Variants in DST observed in about 807,000 individuals in gnomAD.
The protein encoded by DST is bullous pemphigoid antigen.
Under a neutral mutation model 875.2 loss-of-function variants are expected in DST, and 253 were observed. That is an observed-to-expected ratio of 0.29 (90% CI 0.26 to 0.32). The LOEUF is 0.32. Among genes scored for constraint, DST ranks in the 10% least tolerant of loss-of-function variants. DST has a pLI of 1.00. For synonymous variants in DST, 3,124 were observed against 3,197.1 expected, an observed-to-expected ratio of 0.98 and a Z score of 0.77; for missense variants, 8,287 against 9,111.6, an observed-to-expected ratio of 0.91 and a Z score of 3.68.
intron 5 of DST, among the ~76,000 whole-genome samples, chr6:56,707,553 G>T (rs991637768): frequency 1.6e-4 from 25 of 152,158 alleles, no homozygotes; most frequent in African/African-American, 5.8e-4. Flanking sequence ...GGGACTTCCA[G>T]GATTGTAATA....
At chr6:56,842,829 CCT>C (rs1160032328) in intron 4 of DST, among the ~76,000 whole-genome samples, 1 of 152,166 alleles carries the variant, frequency 6.6e-6, no homozygotes, top group Non-Finnish European at 1.5e-5. Flanking sequence ...CCCCTTCCCC[CCT>C]CTCTACCGCT....
intron 50 of DST, among the ~76,000 whole-genome samples, chr6:56,575,776 G>A (rs1392964410): frequency 6.6e-6 from 1 of 152,114 alleles, no homozygotes; most frequent in African/African-American, 2.4e-5. Flanking sequence ...CTTTTGTTCT[G>A]ATATTTGGTC....
chr6:56,895,183 CGG>C (rs1260856536), intron 3 of DST, among the ~76,000 whole-genome samples: 1 of 71,014 alleles, frequency 1.4e-5, no homozygotes, highest in Non-Finnish European at 2.6e-5. Context: ...CCCTCCCGGA[CGG>C]GGTGGCTGCC....
At chr6:56,805,541 A>G (rs976726713) in intron 4 of DST, among the ~76,000 whole-genome samples, 18 of 152,230 alleles carry the variant, frequency 1.2e-4, no homozygotes, top group Non-Finnish European at 2.6e-4. Flanking sequence ...TTAAAGAGCA[A>G]AACAACTGGT....
At chr6:56,470,978 C>A in intron 95 of DST, 128 bp downstream of exon 95, 1 of 984,238 alleles carries the variant, frequency 1.0e-6, no homozygotes, top group Non-Finnish European at 1.5e-6. Context: ...TTTTAAGGGT[C>A]GTGACTTCCT....
At chr6:56,546,972 A>T (rs2097240353) in intron 61 of DST, among the ~76,000 whole-genome samples, 1 of 152,336 alleles carries the variant, frequency 6.6e-6, no homozygotes, top group South Asian at 2.1e-4. Flanking sequence ...AAAATCCTAC[A>T]TTATAAAATC....
chr6:56,587,416 A>G (rs1365040184), intron 49 of DST, among the ~76,000 whole-genome samples: 2 of 152,242 alleles, frequency 1.3e-5, no homozygotes, highest in African/African-American at 4.8e-5. Flanking sequence ...CTATGTGAAA[A>G]GACCAAATCT....
chr6:56,699,773 A>G (rs1490616956), intron 8 of DST, 28 bp from the exon 9 acceptor site: 1 of 1,100,508 alleles, frequency 9.1e-7, no homozygotes, highest in South Asian at 1.6e-5. Flanking sequence ...AAGAGATAAA[A>G]CCAACTGTTT....
At chr6:56,624,954 T>TTA (rs2098720687) in intron 35 of DST, among the ~76,000 whole-genome samples, 2 of 152,094 alleles carry the variant, frequency 1.3e-5, no homozygotes, top group Non-Finnish European at 2.9e-5. Flanking sequence ...CTCTTTGGGA[T>TTA]GACGAAAAGG....
At chr6:56,887,019 G>A (rs918780440) in intron 3 of DST, among the ~76,000 whole-genome samples, 15 of 152,016 alleles carry the variant, frequency 9.9e-5, no homozygotes, top group Non-Finnish European at 1.6e-4. Flanking sequence ...AATGATGTTT[G>A]GAAAAATTAA....
intron 36 of DST, chr6:56,620,469 C>A (rs751738410): frequency 6.2e-7 from 1 of 1,614,126 alleles, no homozygotes; most frequent in Non-Finnish European, 8.5e-7. Flanking sequence ...TCACTTTCAG[C>A]CCTTATCTTC....
At chr6:56,623,869 T>C (rs1029319442) in intron 36 of DST, among the ~76,000 whole-genome samples, 1 of 152,090 alleles carries the variant, frequency 6.6e-6, no homozygotes, top group Non-Finnish European at 1.5e-5. Flanking sequence ...TTTTTAAATA[T>C]ATGATTTATA....
At chr6:56,531,825 C>A (rs1039456144) in intron 64 of DST, among the ~76,000 whole-genome samples, 8 of 152,074 alleles carry the variant, frequency 5.3e-5, no homozygotes, top group Non-Finnish European at 1.0e-4. Flanking sequence ...AGTTAGAGCA[C>A]CCTTCCACCT....
chr6:56,949,304 G>T lies in DST; in HGVS notation c.216+4481C>A, dbSNP rs374884965. On this transcript the variant is annotated intron_variant, in intron 2 of 103. Coordinates refer to ENST00000680361, the MANE Select transcript of DST (RefSeq NM_001374736.1). ...TTGTCACCATGTAGCTAAAGTCAGC[G>T]TTAATTATATGGTAGTGTTGACTCT... Among the ~76,000 whole-genome samples the T allele has an allele frequency of 3.3e-5, 5 of 152,250 alleles. No individual in the cohort carries two copies. In the South Asian group the frequency reaches 8.3e-4, roughly 25 times the overall value.
At chr6:56,919,020 T>C (rs1371806412) in intron 2 of DST, among the ~76,000 whole-genome samples, 3 of 152,210 alleles carry the variant, frequency 2.0e-5, no homozygotes, top group African/African-American at 4.8e-5. Flanking sequence ...AATTATTTTC[T>C]TCTCTGAATT....
At chr6:56,545,036 A>G (rs59063378) in intron 61 of DST, among the ~76,000 whole-genome samples, 1,920 of 152,202 alleles carry the variant, frequency 0.013, 48 homozygotes, top group African/African-American at 0.044. Context: ...TTTCTGAGAC[A>G]GGGTCTTGCT....
intron 5 of DST, among the ~76,000 whole-genome samples, chr6:56,723,828 G>A (rs967075321): frequency 6.6e-6 from 1 of 152,254 alleles, no homozygotes; most frequent in South Asian, 2.1e-4. Flanking sequence ...TTTTTAGTAT[G>A]CTAATGTGTA....
chr6:56,510,626 A>G (rs1192791224), intron 73 of DST, among the ~76,000 whole-genome samples: 1 of 152,172 alleles, frequency 6.6e-6, no homozygotes, highest in African/African-American at 2.4e-5. Context: ...ATACTATCTC[A>G]AAGTTAAAGG....
At chr6:56,797,644 C>T (rs187938757) in intron 4 of DST, among the ~76,000 whole-genome samples, 25 of 152,066 alleles carry the variant, frequency 1.6e-4, no homozygotes, top group Admixed American at 7.9e-4. Context: ...CATGGCAAAA[C>T]CCTATCTCTA....
Sources: gnomAD v4.1 joint callset for allele counts (sites outside exome capture counted in the v4.1 genomes callset) on GRCh38, gnomAD v4.1.1 for gene constraint, MANE v1.5 for transcripts, NCBI Gene and HGNC (gene_info 2026-07-23, HGNC 2026-07-21) for gene names.